Variants in CFAP77 observed in about 807,000 individuals in gnomAD.
CFAP77 encodes cilia- and flagella-associated protein 77.
A neutral mutation model predicts 31.1 loss-of-function variants in CFAP77; 25 were observed. The observed-to-expected ratio is 0.80, with a 90% CI of 0.59 to 1.12. The LOEUF (loss-of-function observed/expected upper bound fraction) is 1.12, where lower values mean the gene tolerates loss of function less well. CFAP77 is among the 50% of genes most tolerant of loss of function. CFAP77 has a pLI of 0.00. For synonymous variants in CFAP77, 151 were observed against 159.9 expected (o/e 0.94, Z 0.42); for missense variants, 377 against 397.3 (o/e 0.95, Z 0.44).
In CFAP77 at chr9:132,501,511, TC is replaced by T. The variant is rs1296437531; in HGVS notation, c.524+1913del. Reference sequence around the variant, plus strand: ...TCTCCCTTCCAGGTTCCAGTGATTCTCCTGCCTCAGCCTCCCGAGTAGCTGG... The same window carrying T: ...TCTCCCTTCCAGGTTCCAGTGATTCTCTGCCTCAGCCTCCCGAGTAGCTGG... On this transcript the variant is annotated intron_variant, in intron 3 of 5. Transcript: ENST00000393216. This position sits in a 1 kb window ranked among gnomAD's most constrained non-coding sequence, Gnocchi z 4.6. Among the ~76,000 whole-genome samples the T allele has an allele frequency of 6.6e-6, 1 of 151,902 alleles. No homozygotes were observed. Among genetic ancestry groups the T allele is most frequent in the South Asian group, 2.1e-4 (1 of 4,824 alleles).
intron 1 of CFAP77, among the ~76,000 whole-genome samples, chr9:132,462,416 C>G (rs528607): frequency 0.13 from 19,293 of 152,086 alleles, 1,396 homozygotes; most frequent in East Asian, 0.36. Context: ...GGTTTCCCTC[C>G]TTTTTAAAAT....
chr9:132,447,601 G>A (rs559412523), intron 1 of CFAP77, among the ~76,000 whole-genome samples: 9 of 152,332 alleles, frequency 5.9e-5, no homozygotes, highest in African/African-American at 1.4e-4. Flanking sequence ...GTCGGTCCGC[G>A]TAGATCAGCA....
intron 1 of CFAP77, among the ~76,000 whole-genome samples, chr9:132,464,361 T>A (rs563189634): frequency 6.8e-5 from 10 of 147,222 alleles, no homozygotes; most frequent in South Asian, 4.3e-4. Flanking sequence ...CACCCCAATT[T>A]AAAAAAAAAA....
At chr9:132,422,587 C>T (rs1353651696) in intron 1 of CFAP77, among the ~76,000 whole-genome samples, 1 of 152,162 alleles carries the variant, frequency 6.6e-6, no homozygotes, top group Non-Finnish European at 1.5e-5. Flanking sequence ...AGACCCAAAG[C>T]AAGGAGGAAC....
intron 1 of CFAP77, among the ~76,000 whole-genome samples, chr9:132,432,322 CAG>C (rs1273739784): frequency 6.6e-6 from 1 of 152,030 alleles, no homozygotes; most frequent in Non-Finnish European, 1.5e-5. Flanking sequence ...AAGATGTGAA[CAG>C]AGTCTGAGGG....
intron 1 of CFAP77, among the ~76,000 whole-genome samples, chr9:132,434,907 C>T (rs567629366): frequency 3.4e-4 from 52 of 152,184 alleles, no homozygotes; most frequent in Admixed American, 3.2e-3. Flanking sequence ...AGCACAAAAG[C>T]GAAAAGGAAG....
At chr9:132,434,215 C>T (rs917743138) in intron 1 of CFAP77, among the ~76,000 whole-genome samples, 2 of 152,084 alleles carry the variant, frequency 1.3e-5, no homozygotes, top group African/African-American at 2.4e-5. Context: ...GAAGTCTTTC[C>T]AGACCCCATC....
intron 1 of CFAP77, among the ~76,000 whole-genome samples, chr9:132,447,594 G>C (rs1244636636): frequency 6.6e-6 from 1 of 152,212 alleles, no homozygotes; most frequent in Non-Finnish European, 1.5e-5. Flanking sequence ...GGCTGCGGTC[G>C]GTCCGCGTAG....
intron 1 of CFAP77, among the ~76,000 whole-genome samples, chr9:132,431,322 C>G (rs999410307): frequency 1.3e-5 from 2 of 152,180 alleles, no homozygotes; most frequent in African/African-American, 4.8e-5. Flanking sequence ...TCCAGAGTCT[C>G]TACAATGGGT....
chr9:132,431,671 T>A (rs138114306), intron 1 of CFAP77, among the ~76,000 whole-genome samples: 244 of 152,212 alleles, frequency 1.6e-3, no homozygotes, highest in Non-Finnish European at 2.9e-3. Context: ...GTTATCCAAT[T>A]GAGGAACAGA....
intron 1 of CFAP77, among the ~76,000 whole-genome samples, chr9:132,489,602 A>G (rs1589882623): frequency 6.6e-6 from 1 of 152,222 alleles, no homozygotes; most frequent in Non-Finnish European, 1.5e-5. Context: ...GAGGTGCAAC[A>G]CAAATGTTGA....
chr9:132,567,319 A>G (rs1473771705), intron 5 of CFAP77, among the ~76,000 whole-genome samples: 4 of 152,250 alleles, frequency 2.6e-5, no homozygotes, highest in Non-Finnish European at 5.9e-5. Context: ...GCTGGCACAC[A>G]GTAGGTACTT....
rs1829867784 is a variant in CFAP77 at position 132,565,028 on chromosome 9, C to T, written c.733-7360C>T. Reference sequence around the variant, plus strand: ...AGATTCGATATCACTAAGGTCTCTTCCAAACCTAACTCTCTGGGAATATTT... The same window carrying T: ...AGATTCGATATCACTAAGGTCTCTTTCAAACCTAACTCTCTGGGAATATTT... On this transcript the variant is annotated intron_variant, in intron 5 of 5. Transcript: ENST00000393216. This position sits in a 1 kb window ranked among gnomAD's most constrained non-coding sequence, Gnocchi z 4.1. 6.6e-6 allele frequency among the ~76,000 whole-genome samples: 1 copy of T among 151,898 alleles called. No homozygotes were observed. The highest frequency in any genetic ancestry group is 6.6e-5 in the Admixed American group (1 of 15,240).
intron 3 of CFAP77, among the ~76,000 whole-genome samples, chr9:132,530,116 CTCTTT>C (rs1174990408): frequency 7.0e-5 from 10 of 143,164 alleles, no homozygotes; most frequent in Admixed American, 7.0e-4. Context: ...TGTCTTTTGC[CTCTTT>C]TCTTTCTTTC....
At position 132,541,808 on chromosome 9, in the gene CFAP77, T is replaced by C. The variant is rs568024551; in HGVS notation, c.631-1138T>C. Among the ~76,000 whole-genome samples the C allele has an allele frequency of 4.6e-5, 7 of 152,300 alleles. No homozygotes were observed. The East Asian group carries it at 1.2e-3, about 25-fold the overall frequency. Reference sequence around the variant, plus strand: ...ATACAATAAAATCAGTAAAAGGGGTTTACTGGGGTGGTGGCACCTTCGATT... The same window carrying C: ...ATACAATAAAATCAGTAAAAGGGGTCTACTGGGGTGGTGGCACCTTCGATT... On this transcript the variant is annotated intron_variant, in intron 4 of 5. Transcript: ENST00000393216.
Position 132,539,218 on chromosome 9 carries a change from G to T in CFAP77, c.630+1512G>T, listed in dbSNP as rs1852599183. ...GTCCAGACTGACGATGGTAAAATCA[G>T]AATCACTCTATGTTCACACAGTACT... On this transcript the variant is annotated intron_variant, in intron 4 of 5. Coordinates refer to ENST00000393216, the MANE Select transcript of CFAP77 (RefSeq NM_001282957.2). This position sits in a 1 kb window ranked among gnomAD's most constrained non-coding sequence, Gnocchi z 4.3. Among the ~76,000 whole-genome samples, 1 of 152,346 alleles carries T rather than the reference G, an allele frequency of 6.6e-6. No individual in the cohort carries two copies. The highest frequency in any genetic ancestry group is 3.4e-3 in the Middle Eastern group (1 of 294).
At chr9:132,471,424 T>A (rs968254042) in intron 1 of CFAP77, among the ~76,000 whole-genome samples, 3 of 152,066 alleles carry the variant, frequency 2.0e-5, no homozygotes, top group Non-Finnish European at 4.4e-5. Flanking sequence ...TCCATCCACT[T>A]CTTCCTATTC....
At chr9:132,546,336 A>G (rs924186498) in intron 5 of CFAP77, among the ~76,000 whole-genome samples, 3 of 152,060 alleles carry the variant, frequency 2.0e-5, no homozygotes, top group African/African-American at 7.2e-5. Context: ...AAGCCCCGGG[A>G]GGGCCTTTGT....
intron 3 of CFAP77, among the ~76,000 whole-genome samples, chr9:132,510,096 C>A (rs1852007161): frequency 6.6e-6 from 1 of 152,166 alleles, no homozygotes; most frequent in African/African-American, 2.4e-5. Flanking sequence ...CAGGGAGGCA[C>A]TGATGGGCCC....
Sources: allele counts gnomAD v4.1 joint callset (sites outside exome capture counted in the v4.1 genomes callset), GRCh38; gene constraint gnomAD v4.1.1; non-coding constraint Gnocchi (gnomAD v3.1); transcripts MANE v1.5; gene names NCBI Gene and HGNC (gene_info 2026-07-23, HGNC 2026-07-21).